CASKIN1: variants seen among roughly 807,000 people sequenced by gnomAD.
CASKIN1 encodes the protein caskin-1.
CASKIN1 carries 42 observed loss-of-function variants against 117.5 expected under a neutral mutation model. That is an observed-to-expected ratio of 0.36 (90% confidence interval 0.28 to 0.46). The LOEUF is 0.46. Ranked by LOEUF, CASKIN1 falls within the 20% of genes least tolerant of loss-of-function variation. CASKIN1 has a pLI of 1.00. For synonymous variants in CASKIN1, 1,148 were observed against 961.7 expected, an observed-to-expected ratio of 1.19 and a Z score of -3.59; for missense variants, 2,083 against 2,077.3, an observed-to-expected ratio of 1.00 and a Z score of -0.05.
In CASKIN1 at chr16:2,182,761, G is replaced by A. The variant is rs372670230; in HGVS notation, c.1630-832C>T. Among the ~76,000 whole-genome samples the A allele has an allele frequency of 7.9e-5, 12 of 152,266 alleles. No homozygotes were observed. In the East Asian group the frequency reaches 1.2e-3, roughly 15 times the overall value. On this transcript the variant is annotated intron_variant, in intron 16 of 19. Transcript: ENST00000343516. This position sits in a 1 kb window ranked among gnomAD's most constrained non-coding sequence, Gnocchi z 4.1. Reference sequence around the variant, plus strand: ...GCCTGGGCCCACCTTCTTCAGGCCCGGAACCCATCCCACTGCACAGGCACC... The same window carrying A: ...GCCTGGGCCCACCTTCTTCAGGCCCAGAACCCATCCCACTGCACAGGCACC...
chr16:2,188,784 A>T (rs1033523169), intron 6 of CASKIN1: 3 of 520,340 alleles, frequency 5.8e-6, no homozygotes, highest in Non-Finnish European at 6.7e-6. Flanking sequence ...GAAGTTCAGC[A>T]CCTCCTCGAG....
rs1184275960 is a variant in CASKIN1, at chr16:2,180,713, G to A, written c.2655C>T (p.Arg885=). 5 of 1,470,516 alleles carry A rather than the reference G, an allele frequency of 3.4e-6. No individual in the cohort carries two copies. The highest frequency in any genetic ancestry group is 2.0e-4 in the Middle Eastern group (1 of 4,900). The allele number at this position is 1,470,516 out of a possible 1,614,324, so 91.1% of individuals were successfully genotyped here. A position where few individuals can be genotyped will look rare whatever the true frequency, so the allele number is the denominator to read the frequency against. ...CCGGCTCGCTGTCGGACGCCGCATA[G>A]CGATTCAGGCTGTGGGCCCGCTTCT... is the stretch of plus-strand genomic sequence containing the variant. ...RPKKRAHSLN[R]YAASDSEPER... The change falls in exon 18 of 20, where the codon CGC becomes CGT. Residue 885 remains arginine, a synonymous_variant. Coordinates refer to ENST00000343516, the MANE Select transcript of CASKIN1 (RefSeq NM_020764.4).
At chr16:2,194,797 C>T (rs2093211011) in intron 1 of CASKIN1, among the ~76,000 whole-genome samples, 1 of 152,096 alleles carries the variant, frequency 6.6e-6, no homozygotes, top group Non-Finnish European at 1.5e-5. Flanking sequence ...AGAATGGCCA[C>T]AATAGAAGGG....
Position 2,178,507 on chromosome 16 carries a change from G to A in CASKIN1, c.*43C>T. The A allele has an allele frequency of 6.7e-7, 1 of 1,485,606 alleles. No homozygotes were observed. Among genetic ancestry groups the A allele is most frequent in the Non-Finnish European group, 9.0e-7 (1 of 1,109,242 alleles). The allele number at this position is 1,485,606 out of a possible 1,614,324, so 92.0% of individuals were successfully genotyped here. ...CATCCTGAGGTATAGGTCAGTGTGC[G>A]GGGAGGGCCCGGGCGGCGCGGGAGG... On this transcript the variant is annotated 3_prime_UTR_variant, in exon 20 of 20. Transcript: ENST00000343516.
intron 1 of CASKIN1, among the ~76,000 whole-genome samples, chr16:2,195,042 G>A (rs2093211683): frequency 6.6e-6 from 1 of 152,182 alleles, no homozygotes; most frequent in Non-Finnish European, 1.5e-5. Flanking sequence ...CGGCCACTAG[G>A]TGGAAACCTT....
chr16:2,188,808 G>C, intron 6 of CASKIN1: 1 of 595,656 alleles, frequency 1.7e-6, no homozygotes, highest in East Asian at 3.0e-5. Context: ...ACCCAGGAGC[G>C]GTGGGGCTGG....
chr16:2,190,210 G>GC (rs2093197571), intron 2 of CASKIN1, 40 bp from the exon 3 acceptor site: 3 of 1,606,774 alleles, frequency 1.9e-6, no homozygotes, highest in Admixed American at 1.7e-5. Context: ...AGGCCCTGGC[G>GC]CCCCGGCCTT....
Position 2,187,023 on chromosome 16 carries a change from A to G in CASKIN1, c.885T>C (p.Asn295=). 2 of 1,613,628 alleles carry G rather than the reference A, an allele frequency of 1.2e-6. No individual in the cohort carries two copies. Among genetic ancestry groups the G allele is most frequent in the Non-Finnish European group, 1.7e-6 (2 of 1,179,868 alleles). Residue 295 remains asparagine, a synonymous_variant, in exon 9 of 20, where the codon AAT becomes AAC. Coordinates refer to ENST00000343516, the MANE Select transcript of CASKIN1 (RefSeq NM_020764.4). ...TCACGTTGAGGCTGGTCAGGTCGTAATTGTTGCAATAATCCTTGGTCGCCC... is the reference window on the plus strand; with the variant it reads ...TCACGTTGAGGCTGGTCAGGTCGTAGTTGTTGCAATAATCCTTGGTCGCCC... ...QVRATKDYCN[N]YDLTSLNVKA...
At chr16:2,188,998 G>C in intron 6 of CASKIN1, 29 bp downstream of exon 6, 1 of 1,599,404 alleles carries the variant, frequency 6.3e-7, no homozygotes, top group South Asian at 1.1e-5. Context: ...GGACCCTAAG[G>C]CTGAGGCCCT....
At position 2,179,426 on chromosome 16, in the gene CASKIN1, C is replaced by A; in HGVS notation, c.3776-101G>T. ...TTCCTCCCCAGCGGACCGGGAAAGA[C>A]CCTGCTCACCTTGCCCCCAGCCCTG... On this transcript the variant is annotated intron_variant, in intron 18 of 19. Coordinates refer to ENST00000343516, the MANE Select transcript of CASKIN1 (RefSeq NM_020764.4). This position sits in a 1 kb window ranked among gnomAD's most constrained non-coding sequence, Gnocchi z 5.8. 7.4e-7 allele frequency: 1 copy of A among 1,348,752 alleles called. No homozygotes were observed. The highest frequency in any genetic ancestry group is 1.5e-5 in the African/African-American group (1 of 65,000). 83.5% of individuals were successfully genotyped at this position (1,348,752 alleles called of 1,614,324 possible).
chr16:2,195,372 G>A (rs995189934), intron 1 of CASKIN1, among the ~76,000 whole-genome samples: 3 of 152,178 alleles, frequency 2.0e-5, no homozygotes, highest in Non-Finnish European at 4.4e-5. Flanking sequence ...TGGGGGTGGA[G>A]GGAGGAGGGA....
At chr16:2,189,357 G>C in intron 4 of CASKIN1, 24 bp from the exon 5 acceptor site, 1 of 1,612,360 alleles carries the variant, frequency 6.2e-7, no homozygotes, top group Non-Finnish European at 8.5e-7. Context: ...GCGCAGTCAG[G>C]TCCGCACATC....
At position 2,182,350 on chromosome 16, in the gene CASKIN1, C is replaced by T. The variant is rs1217993812; in HGVS notation, c.1630-421G>A. Among the ~76,000 whole-genome samples, 1 of 152,072 alleles carries T rather than the reference C, an allele frequency of 6.6e-6. No homozygotes were observed. The highest frequency in any genetic ancestry group is 1.5e-5 in the Non-Finnish European group (1 of 68,010). On this transcript the variant is annotated intron_variant, in intron 16 of 19. Transcript: ENST00000343516. The surrounding 1 kb of genome is among the most constrained non-coding windows in gnomAD (Gnocchi z 4.1). The stretch of plus-strand genomic sequence containing the variant: ...CCGTGCACAGGCACCAGCACCCCAT[C>T]CCGTTTCACACTCTGACCTCTCACC...
intron 14 of CASKIN1, 53 bp from the exon 15 acceptor site, chr16:2,183,994 C>T: frequency 1.6e-6 from 2 of 1,236,092 alleles, no homozygotes; most frequent in Admixed American, 2.4e-5. Flanking sequence ...CGCGCCCTGC[C>T]ACCACAGTGC....
Position 2,178,525 on chromosome 16 carries a change from G to A in CASKIN1, c.*25C>T, listed in dbSNP as rs781179875. 8 of 1,543,338 alleles carry A rather than the reference G, an allele frequency of 5.2e-6. No individual in the cohort carries two copies. Among genetic ancestry groups the A allele is most frequent in the Non-Finnish European group, 7.0e-6 (8 of 1,149,162 alleles). ...AGTGTGCGGGGAGGGCCCGGGCGGC[G>A]CGGGAGGGCCCGGCCAGGCGGCGTT... On this transcript the variant is annotated 3_prime_UTR_variant, in exon 20 of 20. Transcript: ENST00000343516.
chr16:2,186,271 G>GC (rs1470045488), intron 10 of CASKIN1, among the ~76,000 whole-genome samples: 1 of 152,138 alleles, frequency 6.6e-6, no homozygotes, highest in Admixed American at 6.5e-5. Context: ...GCCTGGCGCC[G>GC]CCGGCTTTTA....
intron 6 of CASKIN1, among the ~76,000 whole-genome samples, chr16:2,188,132 C>T (rs574110005): frequency 1.3e-5 from 2 of 150,920 alleles, no homozygotes; most frequent in South Asian, 4.2e-4. Context: ...TGGGCTCCTG[C>T]GTCAGCCTCC....
rs190417881 is a variant in CASKIN1, at chr16:2,177,206, C to T, written c.*1344G>A. 1.4e-4 allele frequency: 33 copies of T among 244,128 alleles called. No individual in the cohort carries two copies. The East Asian group carries it at 1.5e-3, about 11-fold the overall frequency. 15.1% of individuals were successfully genotyped at this position (244,128 alleles called of 1,614,324 possible). A position where few individuals can be genotyped will look rare whatever the true frequency, so the allele number is the denominator to read the frequency against. On this transcript the variant is annotated 3_prime_UTR_variant, in exon 20 of 20. Transcript: ENST00000343516. Reference sequence around the variant, plus strand: ...CTGTTTCCTGCTGTTTATTGACAGCCGACGGCAGCGCCTTGCCCAGACCTC... The same window carrying T: ...CTGTTTCCTGCTGTTTATTGACAGCTGACGGCAGCGCCTTGCCCAGACCTC...
At chr16:2,186,589 C>G in intron 10 of CASKIN1, 118 bp downstream of exon 10, 4 of 811,074 alleles carry the variant, frequency 4.9e-6, no homozygotes, top group Non-Finnish European at 6.0e-6. Context: ...CCACTCAACC[C>G]CACGCTGGCA....
Sources: allele counts gnomAD v4.1 joint callset (sites outside exome capture counted in the v4.1 genomes callset), GRCh38; gene constraint gnomAD v4.1.1; non-coding constraint Gnocchi (gnomAD v3.1); transcripts MANE v1.5; gene names NCBI Gene and HGNC (gene_info 2026-07-23, HGNC 2026-07-21).